PRKCZ: variants seen among roughly 807,000 people sequenced by gnomAD.
PRKCZ encodes the protein protein kinase C zeta, also known as protein kinase C zeta type.
PRKCZ carries 33 observed loss-of-function variants against 79.5 expected under a neutral mutation model. The observed-to-expected ratio is 0.41, with a 90% CI of 0.31 to 0.55. PRKCZ has a LOEUF of 0.55. Among genes scored for constraint, PRKCZ ranks in the 20% least tolerant of loss-of-function variants. PRKCZ has a pLI of 0.19. For missense variants in PRKCZ, 578 were observed against 813.5 expected (o/e 0.71, Z 3.52); for synonymous variants, 342 against 320.9 (o/e 1.07, Z -0.70).
Position 2,121,750 on chromosome 1 carries a change from TTAGGGTCACGGC to T in PRKCZ, c.335-13511_335-13500del, listed in dbSNP as rs1672101586. ...GCGGTACTTAGGGTCACGGCGGTGG[TTAGGGTCACGGC>T]GGTGGTTAGGGTCACGGTGGTGGTT... is the stretch of plus-strand genomic sequence containing the variant. On this transcript the variant is annotated intron_variant, in intron 4 of 17. Coordinates refer to ENST00000378567, the MANE Select transcript of PRKCZ (RefSeq NM_002744.6). Among the ~76,000 whole-genome samples, 4 of 70,278 alleles carry T rather than the reference TTAGGGTCACGGC, an allele frequency of 5.7e-5. 1 individual carries two copies. Among genetic ancestry groups the T allele is most frequent in the Admixed American group, 3.2e-4 (2 of 6,284 alleles). 46.1% of individuals were successfully genotyped at this position (70,278 alleles called of 152,430 possible).
In PRKCZ at chr1:2,178,677, G is replaced by A. The variant is rs1376990272; in HGVS notation, c.1575+3364G>A. Among the ~76,000 whole-genome samples the A allele has an allele frequency of 6.6e-6, 1 of 152,202 alleles. No individual in the cohort carries two copies. The highest frequency in any genetic ancestry group is 1.5e-5 in the Non-Finnish European group (1 of 68,030). On this transcript the variant is annotated intron_variant, in intron 16 of 17. Transcript: ENST00000378567. The surrounding 1 kb of genome is among the most constrained non-coding windows in gnomAD (Gnocchi z 4.3). Reference sequence around the variant, plus strand: ...CGGCTGCTTTCTGGTCCCTTTGGGGGCCCCCTCAGTCTGTGCTGGACTTAG... The same window carrying A: ...CGGCTGCTTTCTGGTCCCTTTGGGGACCCCCTCAGTCTGTGCTGGACTTAG...
intron 16 of PRKCZ, 151 bp downstream of exon 16, chr1:2,175,464 A>G (rs1685286226): frequency 7.3e-6 from 4 of 546,318 alleles, no homozygotes; most frequent in Admixed American, 6.3e-5. Flanking sequence ...AATTCATCCA[A>G]CCCTCACCCC....
intron 7 of PRKCZ, among the ~76,000 whole-genome samples, chr1:2,148,460 C>G (rs957413935): frequency 3.3e-5 from 5 of 152,196 alleles, no homozygotes; most frequent in South Asian, 2.1e-4. Context: ...CCACTGACCT[C>G]TCCATCTATC....
intron 1 of PRKCZ, among the ~76,000 whole-genome samples, chr1:2,051,550 C>T (rs1264887624): frequency 6.6e-6 from 1 of 152,242 alleles, no homozygotes; most frequent in African/African-American, 2.4e-5. Context: ...GGGAGGGGAG[C>T]AGAATGCGGG....
Position 2,127,401 on chromosome 1 carries a change from C to T in PRKCZ, c.335-7861C>T, listed in dbSNP as rs1019509217. On this transcript the variant is annotated intron_variant, in intron 4 of 17. Transcript: ENST00000378567. The surrounding 1 kb of genome is among the most constrained non-coding windows in gnomAD (Gnocchi z 5.1). ...AGGGGCTGCACCTCCACTGCCCCCC[C>T]CACCGCCGCCCCTGCCCCACGGCCA... Among the ~76,000 whole-genome samples, 1 of 152,128 alleles carries T rather than the reference C, an allele frequency of 6.6e-6. No homozygotes were observed. Among genetic ancestry groups the T allele is most frequent in the Admixed American group, 6.5e-5 (1 of 15,276 alleles).
At position 2,165,699 on chromosome 1, in the gene PRKCZ, A is replaced by T. The variant is rs1392019704; in HGVS notation, c.975-3819A>T. Among the ~76,000 whole-genome samples, 10 of 152,180 alleles carry T rather than the reference A, an allele frequency of 6.6e-5. No individual in the cohort carries two copies. In the South Asian group the frequency reaches 1.9e-3, roughly 28 times the overall value. ...CGTGTTCCACCAGAACTTTCTGTAC[A>T]CACATGGTGGTGGCCCGCCCGGACC... On this transcript the variant is annotated intron_variant, in intron 10 of 17. Transcript: ENST00000378567. This position sits in a 1 kb window ranked among gnomAD's most constrained non-coding sequence, Gnocchi z 4.1.
At chr1:2,073,586 C>A (rs538287810) in intron 4 of PRKCZ, 1 of 979,720 alleles carries the variant, frequency 1.0e-6, no homozygotes, top group Admixed American at 5.9e-5. Flanking sequence ...CTGGACTGTG[C>A]TGATGCAGAG....
chr1:2,175,446 C>G (rs1196657078), intron 16 of PRKCZ, 133 bp downstream of exon 16: 2 of 716,506 alleles, frequency 2.8e-6, no homozygotes, highest in Non-Finnish European at 4.6e-6. Flanking sequence ...ATATCCATCC[C>G]AACCCCAAAT....
intron 4 of PRKCZ, among the ~76,000 whole-genome samples, chr1:2,102,577 C>A (rs1667665273): frequency 6.6e-6 from 1 of 152,102 alleles, no homozygotes; most frequent in East Asian, 1.9e-4. Context: ...CGTGATCCGC[C>A]CGCCTTGGCC....
At position 2,050,538 on chromosome 1, in the gene PRKCZ, C is replaced by T. The variant is rs959738052; in HGVS notation, c.-93C>T. 5.0e-6 allele frequency: 4 copies of T among 799,974 alleles called. No individual in the cohort carries two copies. In the African/African-American group the frequency reaches 5.4e-5, roughly 11 times the overall value. 49.6% of individuals were successfully genotyped at this position (799,974 alleles called of 1,614,324 possible). A position where few individuals can be genotyped will look rare whatever the true frequency, so the allele number is the denominator to read the frequency against. ...GCCGTCGGTCCTGAGCGCTGCCTTC[C>T]GCGTTCCGCCGCGGCCCCACCTGGA... On this transcript the variant is annotated 5_prime_UTR_variant, in exon 1 of 18. Transcript: ENST00000378567.
rs1442557655 is a variant in PRKCZ at position 2,122,093 on chromosome 1, G to A, written c.335-13169G>A. 4.6e-5 allele frequency among the ~76,000 whole-genome samples: 2 copies of A among 43,674 alleles called. 1 individual carries two copies. The highest frequency in any genetic ancestry group is 8.4e-5 in the Non-Finnish European group (2 of 23,846). 28.7% of individuals were successfully genotyped at this position (43,674 alleles called of 152,430 possible). The stretch of plus-strand genomic sequence containing the variant: ...TCACGGTGGTAGTTAGGGTCGTGGT[G>A]GTTAGGGTCATGGTGGTGGTTAGGG... On this transcript the variant is annotated intron_variant, in intron 4 of 17. Transcript: ENST00000378567.
rs1338240416 is a variant in PRKCZ at position 2,082,006 on chromosome 1, A to G, written c.334+22415A>G. Among the ~76,000 whole-genome samples, 1 of 152,204 alleles carries G rather than the reference A, an allele frequency of 6.6e-6. No homozygotes were observed. The highest frequency in any genetic ancestry group is 1.5e-5 in the Non-Finnish European group (1 of 68,040). ...TCGGAAATGTGTTCAGTTCTCTTGCATTGCATAATTTGTTCATATTAAAGC... is the reference window on the plus strand; with the variant it reads ...TCGGAAATGTGTTCAGTTCTCTTGCGTTGCATAATTTGTTCATATTAAAGC... On this transcript the variant is annotated intron_variant, in intron 4 of 17. Coordinates refer to ENST00000378567, the MANE Select transcript of PRKCZ (RefSeq NM_002744.6). The surrounding 1 kb of genome is among the most constrained non-coding windows in gnomAD (Gnocchi z 4.4).
intron 4 of PRKCZ, among the ~76,000 whole-genome samples, chr1:2,085,303 C>T (rs999692437): frequency 7.2e-5 from 11 of 152,230 alleles, no homozygotes; most frequent in African/African-American, 1.4e-4. Flanking sequence ...CAGAAGGTCC[C>T]GGAGCAGGAG....
At chr1:2,143,921 G>A in intron 5 of PRKCZ, 2 of 332,098 alleles carry the variant, frequency 6.0e-6, no homozygotes, top group South Asian at 3.9e-5. Flanking sequence ...CTTGCCTGAA[G>A]CAGCACCTCG....
chr1:2,053,331 C>T (rs1659865827), intron 1 of PRKCZ, among the ~76,000 whole-genome samples: 1 of 152,168 alleles, frequency 6.6e-6, no homozygotes, highest in Non-Finnish European at 1.5e-5. Context: ...GAACTTCTGA[C>T]CTCGTGATCC....
intron 3 of PRKCZ, among the ~76,000 whole-genome samples, chr1:2,058,022 C>T (rs561832663): frequency 6.6e-6 from 1 of 152,338 alleles, no homozygotes; most frequent in South Asian, 2.1e-4. Context: ...CATGTGTCAT[C>T]ACGCCTGGCT....
chr1:2,062,198 A>C (rs572667534), intron 4 of PRKCZ, among the ~76,000 whole-genome samples: 1 of 152,320 alleles, frequency 6.6e-6, no homozygotes, highest in South Asian at 2.1e-4. Context: ...TATCATCTCT[A>C]TGTAGTTACA....
chr1:2,151,097 G>A (rs941634213), intron 9 of PRKCZ, 119 bp downstream of exon 9: 2 of 1,255,420 alleles, frequency 1.6e-6, no homozygotes, highest in Non-Finnish European at 2.2e-6. Context: ...GACGGAGTTT[G>A]TGCAAAATCA....
chr1:2,082,604 C>T lies in PRKCZ; in HGVS notation c.334+23013C>T, dbSNP rs1663758747. On this transcript the variant is annotated intron_variant, in intron 4 of 17. Coordinates refer to ENST00000378567, the MANE Select transcript of PRKCZ (RefSeq NM_002744.6). This position sits in a 1 kb window ranked among gnomAD's most constrained non-coding sequence, Gnocchi z 4.4. ...CCTGGTGTAAATGCTCCCACCACGG[C>T]CGATTTCAGGCTGCCGAAGTGGAGG... 1 of 369,718 alleles carries T rather than the reference C, an allele frequency of 2.7e-6. No homozygotes were observed. The highest frequency in any genetic ancestry group is 2.0e-5 in the South Asian group (1 of 49,356). The allele number at this position is 369,718 out of a possible 1,614,324, so 22.9% of individuals were successfully genotyped here.
Sources: gnomAD v4.1 joint callset for allele counts (sites outside exome capture counted in the v4.1 genomes callset) on GRCh38, gnomAD v4.1.1 for gene constraint, Gnocchi (gnomAD v3.1) non-coding constraint, MANE v1.5 for transcripts, NCBI Gene and HGNC (gene_info 2026-07-23, HGNC 2026-07-21) for gene names.